TSPAN9: variants seen among roughly 807,000 people sequenced by gnomAD.
The protein encoded by TSPAN9 is tetraspanin-9.
A neutral mutation model predicts 31.0 loss-of-function variants in TSPAN9; 16 were observed. That is an observed-to-expected ratio of 0.52 (90% confidence interval 0.35 to 0.78). TSPAN9 has a LOEUF of 0.78. Among genes scored for constraint, TSPAN9 ranks in the 30% least tolerant of loss-of-function variants. The pLI is 0.01. For missense variants in TSPAN9, 272 were observed against 312.5 expected (o/e 0.87, Z 0.98); for synonymous variants, 145 against 121.6 (o/e 1.19, Z -1.27).
At chr12:3,273,006 T>C (rs959787609) in intron 3 of TSPAN9, 11 of 152,450 alleles carry the variant, frequency 7.2e-5, no homozygotes, top group African/African-American at 2.6e-4. Context: ...TCAGTTTACC[T>C]GCTGCGCGTA....
intron 3 of TSPAN9, among the ~76,000 whole-genome samples, chr12:3,270,844 C>G (rs1477063840): frequency 1.3e-5 from 2 of 152,224 alleles, no homozygotes; most frequent in Non-Finnish European, 2.9e-5. Context: ...TGTAACAGGA[C>G]TCACTCTCAA....
intron 2 of TSPAN9, among the ~76,000 whole-genome samples, chr12:3,164,807 C>T (rs1334051530): frequency 1.3e-5 from 2 of 152,166 alleles, no homozygotes; most frequent in Admixed American, 6.5e-5. Context: ...AGTGGCATTT[C>T]GGATGGCAAG....
At chr12:3,137,781 C>T (rs1051186296) in intron 2 of TSPAN9, among the ~76,000 whole-genome samples, 4 of 152,176 alleles carry the variant, frequency 2.6e-5, no homozygotes, top group African/African-American at 9.7e-5. Flanking sequence ...CTGGGCTCTG[C>T]CAAGGGAGGG....
rs373352106 is a variant in TSPAN9, at chr12:3,209,827, T to C, written c.63+8571T>C. Among the ~76,000 whole-genome samples the C allele has an allele frequency of 8.9e-4, 134 of 151,384 alleles. No homozygotes were observed. In the Middle Eastern group the frequency reaches 0.01, roughly 12 times the overall value. On this transcript the variant is annotated intron_variant, in intron 3 of 8. Coordinates refer to ENST00000011898, the MANE Select transcript of TSPAN9 (RefSeq NM_006675.5). ...ACAAAAAATTAGCCGGGCGCGGTGG[T>C]GGGCGCCTGTAGTCCCAGCTACTCG... is the stretch of plus-strand genomic sequence containing the variant.
chr12:3,114,427 C>T (rs568209941), intron 2 of TSPAN9, among the ~76,000 whole-genome samples: 4 of 152,184 alleles, frequency 2.6e-5, no homozygotes, highest in Middle Eastern at 3.4e-3. Flanking sequence ...TAGGGCAGTG[C>T]GTGGTGTATA....
intron 2 of TSPAN9, among the ~76,000 whole-genome samples, chr12:3,148,522 G>A (rs1277467558): frequency 1.3e-5 from 2 of 152,218 alleles, no homozygotes; most frequent in African/African-American, 4.8e-5. Flanking sequence ...GGCTGGCAGG[G>A]TATGGAACGT....
chr12:3,111,814 G>A (rs1291187749), intron 2 of TSPAN9, among the ~76,000 whole-genome samples: 1 of 151,990 alleles, frequency 6.6e-6, no homozygotes, highest in Non-Finnish European at 1.5e-5. Flanking sequence ...GTTTCATCAT[G>A]TTGAACAGGC....
intron 2 of TSPAN9, among the ~76,000 whole-genome samples, chr12:3,092,520 G>A (rs2098305306): frequency 6.6e-6 from 1 of 152,152 alleles, no homozygotes; most frequent in African/African-American, 2.4e-5. Flanking sequence ...TAACACCCAG[G>A]AGTGGGCTCT....
intron 3 of TSPAN9, among the ~76,000 whole-genome samples, chr12:3,262,001 C>T (rs1862458588): frequency 6.6e-6 from 1 of 152,236 alleles, no homozygotes; most frequent in Non-Finnish European, 1.5e-5. Flanking sequence ...TTTGCTTTTG[C>T]AACAGAGGTC....
rs576009816 is a variant in TSPAN9, at chr12:3,114,051, A to G, written c.-18+30332A>G. Among the ~76,000 whole-genome samples the G allele has an allele frequency of 3.0e-4, 46 of 152,078 alleles. 1 individual carries two copies. The South Asian group carries it at 9.6e-3, about 32-fold the overall frequency. On this transcript the variant is annotated intron_variant, in intron 2 of 8. Transcript: ENST00000011898. ...CCATAAACCCCACGAGGACTTAATC[A>G]TCCCTTCTCCTCTCCTGCATCTCTG...
chr12:3,276,444 G>A (rs181901514), intron 3 of TSPAN9, among the ~76,000 whole-genome samples: 5 of 152,254 alleles, frequency 3.3e-5, no homozygotes, highest in East Asian at 1.9e-4. Context: ...TGTAGCACAC[G>A]GCCAGCGTGC....
chr12:3,218,599 A>G (rs1416511225), intron 3 of TSPAN9, among the ~76,000 whole-genome samples: 4 of 152,182 alleles, frequency 2.6e-5, no homozygotes, highest in Non-Finnish European at 2.9e-5. Flanking sequence ...GGAGTAAAAG[A>G]TAAAAGTAGG....
chr12:3,139,634 C>T (rs1318853899), intron 2 of TSPAN9, among the ~76,000 whole-genome samples: 3 of 152,138 alleles, frequency 2.0e-5, no homozygotes, highest in Non-Finnish European at 2.9e-5. Context: ...AGTGGTGTGA[C>T]TCCCAGGCTC....
At chr12:3,210,495 T>C (rs908613763) in intron 3 of TSPAN9, among the ~76,000 whole-genome samples, 2 of 152,250 alleles carry the variant, frequency 1.3e-5, no homozygotes, top group South Asian at 4.1e-4. Flanking sequence ...GTTCATTTTT[T>C]ATTGAGTTGC....
intron 2 of TSPAN9, among the ~76,000 whole-genome samples, chr12:3,190,181 A>G (rs1219220593): frequency 6.6e-6 from 1 of 152,242 alleles, no homozygotes; most frequent in Non-Finnish European, 1.5e-5. Flanking sequence ...TGAAATCAGC[A>G]GAAGGGTCCC....
chr12:3,117,489 T>G (rs2098322967), intron 2 of TSPAN9, among the ~76,000 whole-genome samples: 1 of 151,746 alleles, frequency 6.6e-6, no homozygotes, highest in African/African-American at 2.4e-5. Flanking sequence ...GAAATCCAAG[T>G]GCTTAGCGGT....
chr12:3,134,171 G>A (rs1012355122), intron 2 of TSPAN9, among the ~76,000 whole-genome samples: 1 of 152,178 alleles, frequency 6.6e-6, no homozygotes, highest in Non-Finnish European at 1.5e-5. Context: ...GGCTAAAGCA[G>A]AGCTCAGTAG....
intron 3 of TSPAN9, among the ~76,000 whole-genome samples, chr12:3,224,523 C>T (rs544468079): frequency 6.6e-6 from 1 of 152,288 alleles, no homozygotes; most frequent in East Asian, 1.9e-4. Flanking sequence ...GAATCAGGAC[C>T]CAGGCCTGGC....
chr12:3,138,323 C>T (rs2098333023), intron 2 of TSPAN9, among the ~76,000 whole-genome samples: 1 of 152,126 alleles, frequency 6.6e-6, no homozygotes, highest in African/African-American at 2.4e-5. Context: ...CGAGCTCAGT[C>T]TCCTCACTGC....
Sources: gnomAD v4.1 joint callset for allele counts (sites outside exome capture counted in the v4.1 genomes callset) on GRCh38, gnomAD v4.1.1 for gene constraint, MANE v1.5 for transcripts, NCBI Gene and HGNC (gene_info 2026-07-23, HGNC 2026-07-21) for gene names.